The following IL20RB variants were observed in gnomAD, a reference collection of about 807,000 sequenced individuals.
IL20RB encodes the protein interleukin-20 receptor subunit beta.
In IL20RB, 21 loss-of-function variants were observed where a neutral mutation model predicts 33.3. The observed-to-expected ratio is 0.63, with a 90% CI of 0.45 to 0.91. The LOEUF is 0.91. Among genes scored for constraint, IL20RB ranks in the 40% least tolerant of loss-of-function variants. The pLI is 0.00. For synonymous variants in IL20RB, 147 were observed against 146.8 expected, an observed-to-expected ratio of 1.00 and a Z score of -0.01; for missense variants, 345 against 384.8, an observed-to-expected ratio of 0.90 and a Z score of 0.86.
chr3:136,994,785 A>G (rs1396846204), intron 5 of IL20RB, among the ~76,000 whole-genome samples: 1 of 152,152 alleles, frequency 6.6e-6, no homozygotes, highest in Non-Finnish European at 1.5e-5. Context: ...AGCTCACTTA[A>G]CCATTCTGAG....
chr3:136,988,777 T>G (rs1191065650), intron 3 of IL20RB, among the ~76,000 whole-genome samples: 18 of 149,560 alleles, frequency 1.2e-4, no homozygotes, highest in African/African-American at 2.9e-4. Context: ...AAAAAGCCGG[T>G]GACTTGCCAG....
At chr3:136,992,248 A>G (rs1942047846) in intron 5 of IL20RB, among the ~76,000 whole-genome samples, 160 bp downstream of exon 5, 1 of 152,112 alleles carries the variant, frequency 6.6e-6, no homozygotes, top group African/African-American at 2.4e-5. Context: ...TATGTTTGTG[A>G]ATCTGATTCC....
chr3:137,002,419 T>C (rs1408999112), intron 6 of IL20RB, among the ~76,000 whole-genome samples: 6 of 152,152 alleles, frequency 3.9e-5, no homozygotes, highest in African/African-American at 1.2e-4. Flanking sequence ...TATTTCTCCA[T>C]ATCCTCTCTA....
In IL20RB at chr3:136,958,151, C is replaced by T; in HGVS notation, c.38C>T (p.Thr13Ile). ...TFTMVLEEIW[T>I]SLFMWFFYAL... ...ACAATGGTTCTAGAAGAAATCTGGA[C>T]AAGTCTTTTCATGTGGTTTTTCTAC... The change falls in exon 1 of 7, where the codon ACA (threonine) becomes ATA (isoleucine). Residue 13 changes from threonine to isoleucine, a missense_variant. Physicochemically the swap from Thr to Ile is moderately conservative, Grantham distance 89. Transcript: ENST00000329582. 3.1e-6 allele frequency: 5 copies of T among 1,611,746 alleles called. No homozygotes were observed. Among genetic ancestry groups the T allele is most frequent in the Non-Finnish European group, 4.2e-6 (5 of 1,177,944 alleles).
chr3:136,962,487 C>G (rs930400165), intron 1 of IL20RB, among the ~76,000 whole-genome samples: 2 of 152,208 alleles, frequency 1.3e-5, no homozygotes, highest in Non-Finnish European at 2.9e-5. Flanking sequence ...GGCGTGGTGG[C>G]TCATGCCTGT....
intron 1 of IL20RB, 72 bp downstream of exon 1, chr3:136,958,273 C>CCAGG: frequency 2.2e-6 from 2 of 894,496 alleles, no homozygotes; most frequent in Non-Finnish European, 3.7e-6. Context: ...AAATACTTTC[C>CCAGG]CAGGGCCTGG....
chr3:136,971,595 G>A (rs1324682673), intron 1 of IL20RB, among the ~76,000 whole-genome samples: 2 of 152,096 alleles, frequency 1.3e-5, no homozygotes, highest in Non-Finnish European at 2.9e-5. Flanking sequence ...TATGATATTT[G>A]TTTTTTTGTT....
Position 137,010,311 on chromosome 3 carries a change from C to A in IL20RB, c.*88C>A. 1 of 738,434 alleles carries A rather than the reference C, an allele frequency of 1.4e-6. No homozygotes were observed. 45.7% of individuals were successfully genotyped at this position (738,434 alleles called of 1,614,324 possible). On this transcript the variant is annotated 3_prime_UTR_variant, in exon 7 of 7. Transcript: ENST00000329582. ...GACAAGTTGTGTTTCTGTTTTCCGC[C>A]ACGGACAAGGGATGAGAGAAGTAGG...
chr3:137,005,586 A>G (rs909875166), intron 6 of IL20RB, among the ~76,000 whole-genome samples: 1 of 151,724 alleles, frequency 6.6e-6, no homozygotes, highest in African/African-American at 2.4e-5. Context: ...TAGGATTGCA[A>G]CCCCTGCTTT....
intron 6 of IL20RB, among the ~76,000 whole-genome samples, chr3:137,004,471 A>T (rs554213986): frequency 6.6e-6 from 1 of 152,110 alleles, no homozygotes; most frequent in Non-Finnish European, 1.5e-5. Flanking sequence ...CAGAGATTCA[A>T]CTTCTTCCTG....
intron 1 of IL20RB, among the ~76,000 whole-genome samples, chr3:136,972,179 A>G (rs891583509): frequency 6.6e-6 from 1 of 151,686 alleles, no homozygotes; most frequent in African/African-American, 2.4e-5. Context: ...ACTTTTGGGG[A>G]TTTGTTTTTT....
chr3:136,988,523 T>G (rs1941963287), intron 3 of IL20RB, among the ~76,000 whole-genome samples: 1 of 152,140 alleles, frequency 6.6e-6, no homozygotes, highest in East Asian at 1.9e-4. Context: ...GCGAACTGCT[T>G]GAGTCTAGGA....
intron 1 of IL20RB, among the ~76,000 whole-genome samples, chr3:136,973,527 T>A (rs1941542157): frequency 6.6e-6 from 1 of 152,170 alleles, no homozygotes. Flanking sequence ...GAAAAGAATA[T>A]ATATTCTGCA....
At chr3:136,987,063 C>T (rs1400905502) in intron 3 of IL20RB, among the ~76,000 whole-genome samples, 1 of 152,122 alleles carries the variant, frequency 6.6e-6, no homozygotes, top group Admixed American at 6.5e-5. Context: ...AAAGAGTGAG[C>T]AGTAGCAAGA....
At chr3:136,972,199 A>T (rs117575690) in intron 1 of IL20RB, among the ~76,000 whole-genome samples, 1 of 152,088 alleles carries the variant, frequency 6.6e-6, no homozygotes, top group East Asian at 1.9e-4. Flanking sequence ...TAGTGTTGTT[A>T]TTTGAGTTTT....
intron 2 of IL20RB, chr3:136,981,934 G>C: frequency 2.8e-6 from 1 of 356,106 alleles, no homozygotes; most frequent in Non-Finnish European, 5.1e-6. Flanking sequence ...AGATAAAAGA[G>C]ATCCAGACAC....
chr3:136,991,282 C>T (rs996932159), intron 4 of IL20RB, among the ~76,000 whole-genome samples: 17 of 152,198 alleles, frequency 1.1e-4, no homozygotes, highest in Admixed American at 3.9e-4. Flanking sequence ...GGTGCCTCCT[C>T]GTTACCATCT....
At chr3:136,974,960 C>G (rs1403836046) in intron 1 of IL20RB, among the ~76,000 whole-genome samples, 1 of 152,038 alleles carries the variant, frequency 6.6e-6, no homozygotes, top group African/African-American at 2.4e-5. Flanking sequence ...TCTATTGGTT[C>G]TTTTAAAAAA....
intron 1 of IL20RB, among the ~76,000 whole-genome samples, chr3:136,970,076 G>GT (rs957632759): frequency 2.1e-4 from 31 of 150,222 alleles, no homozygotes; most frequent in East Asian, 7.8e-4. Flanking sequence ...TGTTTAAAGC[G>GT]TTTTTTTTGT....
Sources: allele counts gnomAD v4.1 joint callset (sites outside exome capture counted in the v4.1 genomes callset), GRCh38; gene constraint gnomAD v4.1.1; transcripts MANE v1.5; gene names NCBI Gene and HGNC (gene_info 2026-07-23, HGNC 2026-07-21).